MUC5AC: variants seen among roughly 807,000 people sequenced by gnomAD.
MUC5AC encodes the protein mucin-5AC.
A neutral mutation model predicts 169.7 loss-of-function variants in MUC5AC; 158 were observed. That is an observed-to-expected ratio of 0.93 (90% confidence interval 0.82 to 1.06). MUC5AC has a LOEUF of 1.06. Among genes scored for constraint, MUC5AC ranks in the 50% least tolerant of loss-of-function variants. MUC5AC has a pLI of 0.00. For missense variants in MUC5AC, 4,359 were observed against 3,089.9 expected, an observed-to-expected ratio of 1.41 and a Z score of -9.74; for synonymous variants, 1,975 against 1,237.0, an observed-to-expected ratio of 1.60 and a Z score of -12.52.
chr11:1,193,227 A>G (rs1448478482), intron 32 of MUC5AC, among the ~76,000 whole-genome samples: 2 of 152,198 alleles, frequency 1.3e-5, no homozygotes, highest in Non-Finnish European at 2.9e-5. Flanking sequence ...GAGGACAGCC[A>G]GGGCCAGAGC....
At chr11:1,198,187 G>A in intron 42 of MUC5AC, 81 bp from the exon 43 acceptor site, 1 of 709,624 alleles carries the variant, frequency 1.4e-6, no homozygotes, top group African/African-American at 1.7e-5. Flanking sequence ...GAGGCGCCCA[G>A]GAGGCTGCAG....
Position 1,179,132 on chromosome 11 carries a change from C to T in MUC5AC, c.3368C>T (p.Ala1123Val), listed in dbSNP as rs1490721059. ...ARYYEACVNDACACDSGGDCE... is the reference protein window; with the variant it reads ...ARYYEACVNDVCACDSGGDCE... Reference sequence around the variant, plus strand: ...TACTACGAGGCCTGCGTGAACGACGCGTGCGCCTGCGACTCCGGGGGTGAC... The same window carrying T: ...TACTACGAGGCCTGCGTGAACGACGTGTGCGCCTGCGACTCCGGGGGTGAC... The change falls in exon 26 of 49, where the codon GCG becomes GTG. Residue 1123 changes from alanine to valine, a missense_variant. Coordinates refer to ENST00000621226, the MANE Select transcript of MUC5AC (RefSeq NM_001304359.2). The T allele has an allele frequency of 9.1e-6, 6 of 656,464 alleles. No individual in the cohort carries two copies. The highest frequency in any genetic ancestry group is 8.2e-5 in the East Asian group (3 of 36,628). 40.7% of individuals were successfully genotyped at this position (656,464 alleles called of 1,614,324 possible).
In MUC5AC at chr11:1,168,525, A is replaced by T. The variant is rs753209071; in HGVS notation, c.1540A>T (p.Ile514Phe). The T allele has an allele frequency of 6.2e-7, 1 of 1,612,528 alleles. No homozygotes were observed. ...CAGTGGGGAAGTGTTCCTGAACCAGATCTACACCCAGCTGCCCATCTCTGC... is the reference window on the plus strand; with the variant it reads ...CAGTGGGGAAGTGTTCCTGAACCAGTTCTACACCCAGCTGCCCATCTCTGC... Reference protein sequence around the residue: ...KASGEVFLNQIYTQLPISAAN... With the variant: ...KASGEVFLNQFYTQLPISAAN... Residue 514 changes from isoleucine (I) to phenylalanine (F), a missense_variant, in exon 13 of 49, where the codon ATC becomes TTC. By Grantham distance (21) the Ile-to-Phe change is conservative. Transcript: ENST00000621226.
intron 12 of MUC5AC, 100 bp downstream of exon 12, chr11:1,168,087 C>T (rs890011935): frequency 7.3e-5 from 76 of 1,038,368 alleles, no homozygotes; most frequent in Non-Finnish European, 8.9e-5. Context: ...GCATGAACAG[C>T]GAGAGGCGGG....
chr11:1,180,737 C>T (rs1860798137), intron 28 of MUC5AC, among the ~76,000 whole-genome samples: 1 of 152,082 alleles, frequency 6.6e-6, no homozygotes, highest in South Asian at 2.1e-4. Flanking sequence ...GTGTAGGGCT[C>T]CTCTGGGCAG....
At chr11:1,158,271 C>T (rs893302862) in intron 1 of MUC5AC, among the ~76,000 whole-genome samples, 199 bp downstream of exon 1, 3 of 152,194 alleles carry the variant, frequency 2.0e-5, no homozygotes, top group Admixed American at 6.5e-5. Flanking sequence ...CTCTGGGCTT[C>T]GCGGACCTCT....
chr11:1,197,950 G>C lies in MUC5AC; in HGVS notation c.16081G>C (p.Ala5361Pro). Residue 5361 changes from alanine to proline, a missense_variant, in exon 42 of 49, where the codon GCC (alanine) becomes CCC (proline). Coordinates refer to ENST00000621226, the MANE Select transcript of MUC5AC (RefSeq NM_001304359.2). Reference sequence around the variant, plus strand: ...CGCGCCCGTGGGCTGTCCTGAGGGCGCCCGCGCGATCCCGACCTACCAGGA... The same window carrying C: ...CGCGCCCGTGGGCTGTCCTGAGGGCCCCCGCGCGATCCCGACCTACCAGGA... ...CPAPVGCPEG[A>P]RAIPTYQEGA... The C allele has an allele frequency of 1.4e-6, 1 of 737,322 alleles. No homozygotes were observed. Among genetic ancestry groups the C allele is most frequent in the Non-Finnish European group, 2.5e-6 (1 of 405,670 alleles). The allele number at this position is 737,322 out of a possible 1,614,324, so 45.7% of individuals were successfully genotyped here. A position where few individuals can be genotyped will look rare whatever the true frequency, so the allele number is the denominator to read the frequency against.
rs1263075438 is a variant in MUC5AC at position 1,162,519 on chromosome 11, C to A, written c.474-13C>A. 2 of 1,610,154 alleles carry A rather than the reference C, an allele frequency of 1.2e-6. No homozygotes were observed. Among genetic ancestry groups the A allele is most frequent in the African/African-American group, 2.7e-5 (2 of 74,862 alleles). Reference sequence around the variant, plus strand: ...CTGCGCTCCCAGCCCCTCAGCCCTGCCTTCCTCCACAGGGTCCTGCTGCCC... The same window carrying A: ...CTGCGCTCCCAGCCCCTCAGCCCTGACTTCCTCCACAGGGTCCTGCTGCCC... On this transcript the variant is annotated splice_polypyrimidine_tract_variant and intron_variant, in intron 4 of 48. Transcript: ENST00000621226.
At position 1,186,591 on chromosome 11, in the gene MUC5AC, C is replaced by G. The variant is rs1860952469; in HGVS notation, c.8446C>G (p.Pro2816Ala). The stretch of plus-strand genomic sequence containing the variant: ...CCCTATAAGCAGCACAACTTCCACA[C>G]CACAGACCAGCACAACTTCGGCTCC... ...SAPISSTTST[P>A]QTSTTSAPTT... Residue 2816 changes from proline to alanine, a missense_variant, in exon 31 of 49, where the codon CCA (proline) becomes GCA (alanine). Coordinates refer to ENST00000621226, the MANE Select transcript of MUC5AC (RefSeq NM_001304359.2). 1.4e-6 allele frequency: 1 copy of G among 709,458 alleles called. No homozygotes were observed. The highest frequency in any genetic ancestry group is 1.7e-5 in the African/African-American group (1 of 57,152). 43.9% of individuals were successfully genotyped at this position (709,458 alleles called of 1,614,324 possible). A position where few individuals can be genotyped will look rare whatever the true frequency, so the allele number is the denominator to read the frequency against.
Position 1,176,586 on chromosome 11 carries a change from A to T in MUC5AC, c.2575A>T (p.Thr859Ser). ...GGCGGACGGCGAGGGCGGCTGCATC[A>T]CTGCGGAGGACTGCCCCTGCGTGCA... ...LVADGEGGCI[T>S]AEDCPCVHNE... The change falls in exon 21 of 49, where the codon ACT (threonine) becomes TCT (serine). Residue 859 changes from threonine (T) to serine (S), a missense_variant. By Grantham distance (58) the Thr-to-Ser change is moderately conservative. Coordinates refer to ENST00000621226, the MANE Select transcript of MUC5AC (RefSeq NM_001304359.2). The T allele has an allele frequency of 2.5e-6, 1 of 399,446 alleles. No individual in the cohort carries two copies. The highest frequency in any genetic ancestry group is 3.6e-5 in the East Asian group (1 of 28,084). 24.7% of individuals were successfully genotyped at this position (399,446 alleles called of 1,614,324 possible).
chr11:1,177,367 A>G (rs1280719054), intron 23 of MUC5AC, 23 bp downstream of exon 23: 1 of 425,662 alleles, frequency 2.3e-6, no homozygotes, highest in East Asian at 3.3e-5. Flanking sequence ...GGGTGGTCGC[A>G]TGCCCTCCAG....
chr11:1,190,526 C>A lies in MUC5AC; in HGVS notation c.12381C>A (p.Thr4127=), dbSNP rs1189052072. 7 of 667,926 alleles carry A rather than the reference C, an allele frequency of 1.0e-5. No individual in the cohort carries two copies. Among genetic ancestry groups the A allele is most frequent in the African/African-American group, 1.8e-5 (1 of 56,162 alleles). The allele number at this position is 667,926 out of a possible 1,614,324, so 41.4% of individuals were successfully genotyped here. Residue 4127 remains threonine (T), a synonymous_variant, in exon 31 of 49, where the codon ACC becomes ACA. Coordinates refer to ENST00000621226, the MANE Select transcript of MUC5AC (RefSeq NM_001304359.2). The stretch of plus-strand genomic sequence containing the variant: ...CCAGCACAACCTCTGCCCCTACAAC[C>A]AGCACAACCTCTGCCCCTACAACCA... ...STPSTTSAPT[T]STTSAPTTST...
In MUC5AC at chr11:1,200,932, G is replaced by A. The variant is rs1861415008; in HGVS notation, c.*230G>A. 1 of 417,422 alleles carries A rather than the reference G, an allele frequency of 2.4e-6. No individual in the cohort carries two copies. The highest frequency in any genetic ancestry group is 6.8e-5 in the South Asian group (1 of 14,612). The allele number at this position is 417,422 out of a possible 1,614,324, so 25.9% of individuals were successfully genotyped here. A position where few individuals can be genotyped will look rare whatever the true frequency, so the allele number is the denominator to read the frequency against. Reference sequence around the variant, plus strand: ...CCTCTCAGGACCAGCCCCGGGGCTGGCCGAGCTCCTCTGGCCATGCATCCA... The same window carrying A: ...CCTCTCAGGACCAGCCCCGGGGCTGACCGAGCTCCTCTGGCCATGCATCCA... On this transcript the variant is annotated 3_prime_UTR_variant, in exon 49 of 49. Transcript: ENST00000621226.
chr11:1,172,892 C>T (rs1860581251), intron 16 of MUC5AC, among the ~76,000 whole-genome samples: 1 of 139,952 alleles, frequency 7.1e-6, no homozygotes, highest in African/African-American at 2.7e-5. Flanking sequence ...CCATTTGCCC[C>T]CCCACTCACT....
At chr11:1,198,437 C>G (rs1263356066) in intron 43 of MUC5AC, 132 bp downstream of exon 43, 1 of 667,764 alleles carries the variant, frequency 1.5e-6, no homozygotes, top group Non-Finnish European at 2.8e-6. Context: ...GCAGACACAG[C>G]CCACTATCAA....
rs1397248131 is a variant in MUC5AC at position 1,168,857 on chromosome 11, C to T, written c.1706-5C>T. On this transcript the variant is annotated splice_polypyrimidine_tract_variant and splice_region_variant and intron_variant, in intron 14 of 48. Coordinates refer to ENST00000621226, the MANE Select transcript of MUC5AC (RefSeq NM_001304359.2). Reference sequence around the variant, plus strand: ...TGGTCCTCAACCTGCCTAACCCGCCCCCAGGTCTCTGTGGGAACTTCAACA... The same window carrying T: ...TGGTCCTCAACCTGCCTAACCCGCCTCCAGGTCTCTGTGGGAACTTCAACA... The T allele has an allele frequency of 8.8e-6, 14 of 1,588,378 alleles. No homozygotes were observed. In the East Asian group the frequency reaches 2.7e-4, roughly 31 times the overall value.
At chr11:1,169,341 C>A (rs1384908913) in intron 15 of MUC5AC, among the ~76,000 whole-genome samples, 1 of 151,140 alleles carries the variant, frequency 6.6e-6, no homozygotes, top group Non-Finnish European at 1.5e-5. Context: ...ACTCACCCAC[C>A]CGTTCACCCA....
At chr11:1,192,571 C>A in intron 31 of MUC5AC, 46 bp downstream of exon 31, 1 of 750,882 alleles carries the variant, frequency 1.3e-6, no homozygotes, top group South Asian at 1.4e-5. Flanking sequence ...TCACCCTGGT[C>A]AGTTTTTTAT....
At chr11:1,161,756 C>A in intron 3 of MUC5AC, 151 bp from the exon 4 acceptor site, 1 of 1,325,826 alleles carries the variant, frequency 7.5e-7, no homozygotes, top group Non-Finnish European at 1.0e-6. Context: ...TGGGACTTCC[C>A]AGATGCAGGA....
Sources: allele counts gnomAD v4.1 joint callset (sites outside exome capture counted in the v4.1 genomes callset), GRCh38; gene constraint gnomAD v4.1.1; transcripts MANE v1.5; gene names NCBI Gene and HGNC (gene_info 2026-07-23, HGNC 2026-07-21).